METTL9: variants seen among roughly 807,000 people sequenced by gnomAD.
METTL9 encodes protein-L-histidine N-pros-methyltransferase.
A neutral mutation model predicts 36.0 loss-of-function variants in METTL9; 10 were observed. That is an observed-to-expected ratio of 0.28 (90% CI 0.17 to 0.47). METTL9 has a LOEUF of 0.47. Ranked by LOEUF, METTL9 falls within the 20% of genes least tolerant of loss-of-function variation. The pLI is 0.99. For synonymous variants in METTL9, 175 were observed against 149.7 expected (o/e 1.17, Z -1.23); for missense variants, 246 against 383.5 (o/e 0.64, Z 3.00).
At chr16:21,636,640 G>A (rs1263138635) in intron 4 of METTL9, among the ~76,000 whole-genome samples, 1 of 152,186 alleles carries the variant, frequency 6.6e-6, no homozygotes, top group Non-Finnish European at 1.5e-5. Flanking sequence ...TTTCCTCTCT[G>A]TCGACCCTCG....
chr16:21,607,640 T>A (rs2152893008), intron 1 of METTL9, among the ~76,000 whole-genome samples: 1 of 152,340 alleles, frequency 6.6e-6, no homozygotes, highest in South Asian at 2.1e-4. Flanking sequence ...TTTAAAAGAT[T>A]CCCTTGTTTA....
chr16:21,597,383 T>C, upstream of METTL9: 1 of 885,468 alleles, frequency 1.1e-6, no homozygotes, highest in Non-Finnish European at 1.6e-6. Context: ...GCCTGCTAAA[T>C]GTAAATAGCA....
chr16:21,652,687 A>G, intron 4 of METTL9: 1 of 964,112 alleles, frequency 1.0e-6, no homozygotes, highest in Non-Finnish European at 1.6e-6. Flanking sequence ...TGAAGAGAGG[A>G]ACCTCTTATG....
chr16:21,617,971 G>A lies in METTL9; in HGVS notation c.463G>A (p.Gly155Arg). The A allele has an allele frequency of 6.2e-7, 1 of 1,613,770 alleles. No homozygotes were observed. The highest frequency in any genetic ancestry group is 8.5e-7 in the Non-Finnish European group (1 of 1,179,858). ...CCACAGACTTCTTGATTTAGGTGCT[G>A]GAGATGGAGAAGTCACAAAAATCAT... ...KTHRLLDLGA[G>R]DGEVTKIMSP... is the part of the protein sequence containing the mutation. Residue 155 changes from glycine (G) to arginine (R), a missense_variant, in exon 3 of 5, where the codon GGA (glycine) becomes AGA (arginine). Transcript: ENST00000358154.
chr16:21,634,838 G>C (rs201144732), intron 4 of METTL9, among the ~76,000 whole-genome samples: 3 of 152,132 alleles, frequency 2.0e-5, no homozygotes, highest in Non-Finnish European at 4.4e-5. Flanking sequence ...CCTGAGTTAC[G>C]GTGGACAGCA....
intron 4 of METTL9, chr16:21,646,895 A>AT: frequency 3.9e-6 from 2 of 507,926 alleles, no homozygotes; most frequent in Non-Finnish European, 7.2e-6. Context: ...ACCTCAAGTG[A>AT]TTCGTCCACC....
At position 21,625,129 on chromosome 16, in the gene METTL9, G is replaced by C; in HGVS notation, c.751+14G>C. The stretch of plus-strand genomic sequence containing the variant: ...ATGTGGAAAACGGTAAGTGTGGTCA[G>C]TCAGGCTAGCTCTTACTGAGGATAG... On this transcript the variant is annotated intron_variant, in intron 4 of 4. Coordinates refer to ENST00000358154, the MANE Select transcript of METTL9 (RefSeq NM_016025.5). 1 of 1,613,786 alleles carries C rather than the reference G, an allele frequency of 6.2e-7. No individual in the cohort carries two copies. The highest frequency in any genetic ancestry group is 8.5e-7 in the Non-Finnish European group (1 of 1,179,728).
At chr16:21,607,909 G>A (rs1965330261) in intron 1 of METTL9, among the ~76,000 whole-genome samples, 2 of 152,108 alleles carry the variant, frequency 1.3e-5, no homozygotes, top group African/African-American at 2.4e-5. Context: ...AGCACTTTGC[G>A]AGGCCGAGGC....
rs1965046387 is a variant in METTL9, at chr16:21,599,638, G to C, written c.-96G>C. 3 of 1,339,756 alleles carry C rather than the reference G, an allele frequency of 2.2e-6. No individual in the cohort carries two copies. The highest frequency in any genetic ancestry group is 4.2e-5 in the Admixed American group (1 of 23,754). The allele number at this position is 1,339,756 out of a possible 1,614,324, so 83.0% of individuals were successfully genotyped here. Reference sequence around the variant, plus strand: ...ATGGGCAAGGCGGCCGCGATGGCTCGAGCTCGGGCGGTGGCGGCGGTGGCC... The same window carrying C: ...ATGGGCAAGGCGGCCGCGATGGCTCCAGCTCGGGCGGTGGCGGCGGTGGCC... On this transcript the variant is annotated 5_prime_UTR_variant, in exon 1 of 5. Transcript: ENST00000358154. The surrounding 1 kb of genome is among the most constrained non-coding windows in gnomAD (Gnocchi z 4.4).
At chr16:21,619,693 C>T (rs1264052231) in intron 3 of METTL9, among the ~76,000 whole-genome samples, 1 of 151,118 alleles carries the variant, frequency 6.6e-6, no homozygotes, top group Non-Finnish European at 1.5e-5. Flanking sequence ...GCCTTGGCCT[C>T]CCAAAGTGTT....
rs555147710 is a variant in METTL9, at chr16:21,600,667, A to G, written c.165+769A>G. Among the ~76,000 whole-genome samples the G allele has an allele frequency of 5.3e-5, 8 of 152,300 alleles. No homozygotes were observed. The East Asian group carries it at 1.5e-3, about 29-fold the overall frequency. On this transcript the variant is annotated intron_variant, in intron 1 of 4. Coordinates refer to ENST00000358154, the MANE Select transcript of METTL9 (RefSeq NM_016025.5). ...CGTGAGCGTTACGCTGTGACCGGGT[A>G]GGTAGGCTTTTCATTAGCTCAGTCT...
At chr16:21,649,237 C>T (rs957429503) in intron 4 of METTL9, among the ~76,000 whole-genome samples, 18 of 152,174 alleles carry the variant, frequency 1.2e-4, no homozygotes, top group Non-Finnish European at 1.9e-4. Flanking sequence ...AAGCGACCCG[C>T]TTGCCTCGGC....
intron 4 of METTL9, among the ~76,000 whole-genome samples, chr16:21,628,892 CTTT>C (rs35688864): frequency 3.1e-5 from 4 of 130,026 alleles, no homozygotes; most frequent in Non-Finnish European, 3.3e-5. Flanking sequence ...TGAGATGTTT[CTTT>C]TTTTTTTTTT....
intron 2 of METTL9, among the ~76,000 whole-genome samples, chr16:21,613,350 A>C (rs949790159): frequency 1.3e-5 from 2 of 151,480 alleles, no homozygotes; most frequent in African/African-American, 4.9e-5. Flanking sequence ...CACCTGTCTA[A>C]TTTTTGTATT....
At chr16:21,606,198 G>A (rs576488066) in intron 1 of METTL9, among the ~76,000 whole-genome samples, 1 of 152,082 alleles carries the variant, frequency 6.6e-6, no homozygotes, top group Non-Finnish European at 1.5e-5. Context: ...TTAGCTGGGC[G>A]TGGTGGCACG....
chr16:21,647,310 T>G, intron 4 of METTL9: 1 of 1,614,210 alleles, frequency 6.2e-7, no homozygotes, highest in Non-Finnish European at 8.5e-7. Context: ...GCCTCACTTT[T>G]GCACCCGTCC....
At chr16:21,604,575 G>A (rs1965222569) in intron 1 of METTL9, among the ~76,000 whole-genome samples, 1 of 152,168 alleles carries the variant, frequency 6.6e-6, no homozygotes, top group Non-Finnish European at 1.5e-5. Flanking sequence ...CACATAAAGA[G>A]GTTATTGGGT....
chr16:21,599,810 G>A lies in METTL9; in HGVS notation c.77G>A (p.Ser26Asn). The A allele has an allele frequency of 6.5e-7, 1 of 1,548,136 alleles. No individual in the cohort carries two copies. The highest frequency in any genetic ancestry group is 8.7e-7 in the Non-Finnish European group (1 of 1,154,014). The change falls in exon 1 of 5, where the codon AGC (serine) becomes AAC (asparagine). Residue 26 changes from serine (S) to asparagine (N), a missense_variant. This residue lies in a region of METTL9 where 100 missense variants were observed against 81.4 expected (regional missense o/e 1.23). Coordinates refer to ENST00000358154, the MANE Select transcript of METTL9 (RefSeq NM_016025.5). The surrounding 1 kb of genome is among the most constrained non-coding windows in gnomAD (Gnocchi z 4.4). Reference sequence around the variant, plus strand: ...GCGCGGAGGATGTGGACGCTGCGGAGCCCGCTCACCCGCTCCCTGTACGTG... The same window carrying A: ...GCGCGGAGGATGTGGACGCTGCGGAACCCGCTCACCCGCTCCCTGTACGTG... ...WLARRMWTLR[S>N]PLTRSLYVNM...
At chr16:21,627,834 T>C (rs1352157457) in intron 4 of METTL9, among the ~76,000 whole-genome samples, 1 of 151,988 alleles carries the variant, frequency 6.6e-6, no homozygotes, top group African/African-American at 2.4e-5. Flanking sequence ...GCGCCTGTAG[T>C]TCCAGCTACT....
Sources: allele counts gnomAD v4.1 joint callset (sites outside exome capture counted in the v4.1 genomes callset), GRCh38; gene constraint gnomAD v4.1.1; regional missense constraint gnomAD v4.1.1; non-coding constraint Gnocchi (gnomAD v3.1); transcripts MANE v1.5; gene names NCBI Gene and HGNC (gene_info 2026-07-23, HGNC 2026-07-21).